Variants in IFT20 observed in about 807,000 individuals in gnomAD.
IFT20 encodes the protein intraflagellar transport 20.
Under a neutral mutation model 16.9 loss-of-function variants are expected in IFT20, and 4 were observed. The ratio of observed to expected loss-of-function variants is 0.24; its 90% CI spans 0.12 to 0.54. IFT20 has a LOEUF of 0.54. Ranked by LOEUF, IFT20 falls within the 20% of genes least tolerant of loss-of-function variation. IFT20 has a pLI of 0.95. For missense variants in IFT20, 154 were observed against 149.7 expected (o/e 1.03, Z -0.15); for synonymous variants, 48 against 49.9 (o/e 0.96, Z 0.16).
rs782607151 is a variant in IFT20 at position 28,329,266 on chromosome 17, G to A, written c.224C>T (p.Ala75Val). Residue 75 changes from alanine (A) to valine (V), a missense_variant, in exon 4 of 5, where the codon GCT (alanine) becomes GTT (valine). Transcript: ENST00000395418. Reference protein sequence around the residue: ...AENEKMKAIGARNLLKSIAKQ... With the variant: ...AENEKMKAIGVRNLLKSIAKQ... ...TGCTATAGATTTGAGCAAGTTCCGA[G>A]CACCGATGGCCTACAGTATTGCCAG... The A allele has an allele frequency of 3.7e-6, 6 of 1,613,630 alleles. No individual in the cohort carries two copies. In the South Asian group the frequency reaches 6.6e-5, roughly 18 times the overall value.
At chr17:28,334,970 C>G (rs1181386279) in intron 1 of IFT20, among the ~76,000 whole-genome samples, 1 of 152,152 alleles carries the variant, frequency 6.6e-6, no homozygotes, top group African/African-American at 2.4e-5. Flanking sequence ...TATCTACCAA[C>G]TCCCATCACA....
intron 1 of IFT20, chr17:28,332,509 G>A (rs929889044): frequency 1.3e-5 from 4 of 300,808 alleles, no homozygotes; most frequent in East Asian, 7.8e-5. Context: ...TAAGTTGTAA[G>A]CCATCAGTGT....
rs948998571 is a variant in IFT20 at position 28,333,536 on chromosome 17, G to A, written c.-2-1549C>T. On this transcript the variant is annotated intron_variant, in intron 1 of 4. Transcript: ENST00000395418. ...ACATGTCTATGAGCTGTCTGTAGACGACTCTGGCCTTTGGCCTCACTGGAA... is the reference window on the plus strand; with the variant it reads ...ACATGTCTATGAGCTGTCTGTAGACAACTCTGGCCTTTGGCCTCACTGGAA... 3.3e-5 allele frequency among the ~76,000 whole-genome samples: 5 copies of A among 152,364 alleles called. No individual in the cohort carries two copies. In the East Asian group the frequency reaches 7.7e-4, roughly 23 times the overall value.
Position 28,332,123 on chromosome 17 carries a change from G to A in IFT20, c.-2-136C>T, listed in dbSNP as rs782416434. On this transcript the variant is annotated intron_variant, in intron 1 of 4. Coordinates refer to ENST00000395418, the MANE Select transcript of IFT20 (RefSeq NM_001267776.2). Reference sequence around the variant, plus strand: ...GTTCCAAAGGATCCCCGTTCCCTCTGCCACCACCTCTCTGAGCCTCACCTG... The same window carrying A: ...GTTCCAAAGGATCCCCGTTCCCTCTACCACCACCTCTCTGAGCCTCACCTG... 8.9e-6 allele frequency: 14 copies of A among 1,572,738 alleles called. No homozygotes were observed. The East Asian group carries it at 3.0e-4, about 34-fold the overall frequency.
chr17:28,333,821 C>T (rs1204838715), intron 1 of IFT20, among the ~76,000 whole-genome samples: 1 of 152,060 alleles, frequency 6.6e-6, no homozygotes, highest in Non-Finnish European at 1.5e-5. Context: ...GTCCCAGCTA[C>T]TTGGGAGGGT....
rs886306375 is a variant in IFT20 at position 28,335,370 on chromosome 17, G to A, written c.-33C>T. 1 of 152,322 alleles carries A rather than the reference G, an allele frequency of 6.6e-6. No individual in the cohort carries two copies. Among genetic ancestry groups the A allele is most frequent in the African/African-American group, 2.4e-5 (1 of 41,444 alleles). 9.4% of individuals were successfully genotyped at this position (152,322 alleles called of 1,614,324 possible). On this transcript the variant is annotated 5_prime_UTR_variant, in exon 1 of 5. Coordinates refer to ENST00000395418, the MANE Select transcript of IFT20 (RefSeq NM_001267776.2). ...GGCCCCGCGGCGGCAGCGCGCTGCA[G>A]CCCAGGCTGATGTAGACAGGCAGCT...
rs1468397815 is a variant in IFT20 at position 28,331,910 on chromosome 17, C to T, written c.76G>A (p.Val26Ile). ...LNKLRVLDPE[V>I]TQQTIELKEE... ...TTCAGCTCTATGGTCTGCTGGGTAA[C>T]CTCTGGGTCCAACACCCTCAGCTTG... The change falls in exon 2 of 5, where the codon GTT becomes ATT. Residue 26 changes from valine (V) to isoleucine (I), a missense_variant. Val to Ile is a conservative substitution (Grantham distance 29). Transcript: ENST00000395418. The T allele has an allele frequency of 1.2e-6, 2 of 1,614,118 alleles. No individual in the cohort carries two copies. Among genetic ancestry groups the T allele is most frequent in the African/African-American group, 2.7e-5 (2 of 74,936 alleles).
intron 1 of IFT20, 122 bp from the exon 2 acceptor site, chr17:28,332,109 T>C: frequency 1.3e-6 from 2 of 1,589,842 alleles, no homozygotes; most frequent in Non-Finnish European, 1.7e-6. Flanking sequence ...TTCCAAAGGA[T>C]CCCCGTTCCC....
chr17:28,329,310 T>A, intron 3 of IFT20, 34 bp from the exon 4 acceptor site: 1 of 1,530,188 alleles, frequency 6.5e-7, no homozygotes, highest in Non-Finnish European at 9.0e-7. Context: ...ATGGCTTCAT[T>A]AAAACCATCT....
At chr17:28,335,006 C>G (rs979897794) in intron 1 of IFT20, among the ~76,000 whole-genome samples, 1 of 152,178 alleles carries the variant, frequency 6.6e-6, no homozygotes, top group Admixed American at 6.5e-5. Context: ...CTGAGCAACA[C>G]CTGGCCCAAG....
intron 3 of IFT20, 141 bp downstream of exon 3, chr17:28,330,302 C>A: frequency 1.5e-6 from 1 of 683,434 alleles, no homozygotes; most frequent in South Asian, 1.6e-5. Flanking sequence ...GTTAAGTGGA[C>A]CAGAAGTTAT....
chr17:28,329,360 AGCTGTGTCAGTC>A, intron 3 of IFT20, 84 bp from the exon 4 acceptor site: 1 of 1,038,792 alleles, frequency 9.6e-7, no homozygotes. Flanking sequence ...GTTATCTGGG[AGCTGTGTCAGTC>A]TTCAGAGAGG....
In IFT20 at chr17:28,329,167, T is replaced by A; in HGVS notation, c.317+6A>T. ...AAAGAACTTGCTTTACATCATGACT[T>A]CTTACCTTTCTAGCTGCATTTTCTT... On this transcript the variant is annotated splice_donor_region_variant and intron_variant, in intron 4 of 4. Transcript: ENST00000395418. 1.2e-6 allele frequency: 2 copies of A among 1,605,924 alleles called. No individual in the cohort carries two copies. The highest frequency in any genetic ancestry group is 1.7e-6 in the Non-Finnish European group (2 of 1,172,698).
At chr17:28,332,353 G>A (rs1597787982) in intron 1 of IFT20, 4 of 712,248 alleles carry the variant, frequency 5.6e-6, no homozygotes, top group East Asian at 2.9e-5. Flanking sequence ...AATGCAACAC[G>A]GTGCCCGCCC....
intron 4 of IFT20, 165 bp downstream of exon 4, chr17:28,329,008 C>T: frequency 1.6e-6 from 1 of 627,642 alleles, no homozygotes; most frequent in Non-Finnish European, 2.8e-6. Context: ...ATTTCCTTCC[C>T]ATCAAATGTA....
chr17:28,333,104 C>CACACAT (rs1301414799), intron 1 of IFT20, among the ~76,000 whole-genome samples: 1 of 151,282 alleles, frequency 6.6e-6, no homozygotes, highest in East Asian at 1.9e-4. Context: ...CACACACACA[C>CACACAT]ACAATTAAAC....
intron 1 of IFT20, among the ~76,000 whole-genome samples, chr17:28,333,572 T>A (rs1159110978): frequency 6.6e-6 from 1 of 152,246 alleles, no homozygotes; most frequent in African/African-American, 2.4e-5. Context: ...TCCACTGATG[T>A]AAGTGAGCTA....
intron 3 of IFT20, chr17:28,329,558 CA>C: frequency 2.8e-6 from 1 of 363,302 alleles, no homozygotes; most frequent in Admixed American, 4.4e-5. Context: ...TGCCTTTCAC[CA>C]ATCATACTAT....
At chr17:28,331,045 C>T (rs1304973322) in intron 2 of IFT20, among the ~76,000 whole-genome samples, 1 of 152,232 alleles carries the variant, frequency 6.6e-6, no homozygotes, top group African/African-American at 2.4e-5. Context: ...CCTCAGGACA[C>T]AAGCGCTGCC....
Sources: gnomAD v4.1 joint callset for allele counts (sites outside exome capture counted in the v4.1 genomes callset) on GRCh38, gnomAD v4.1.1 for gene constraint, MANE v1.5 for transcripts, NCBI Gene and HGNC (gene_info 2026-07-23, HGNC 2026-07-21) for gene names.